Variants in KCNH4 observed in about 807,000 individuals in gnomAD.
KCNH4 encodes potassium voltage-gated channel subfamily H member 4, also known as voltage-gated delayed rectifier potassium channel KCNH4.
In KCNH4, 33 loss-of-function variants were observed where a neutral mutation model predicts 90.7. That is an observed-to-expected ratio of 0.36 (90% CI 0.28 to 0.49). The LOEUF (loss-of-function observed/expected upper bound fraction) is 0.49, where lower values mean the gene tolerates loss of function less well. Ranked by LOEUF, KCNH4 falls within the 20% of genes least tolerant of loss-of-function variation. KCNH4 has a pLI of 0.98. For synonymous variants in KCNH4, 551 were observed against 581.7 expected, an observed-to-expected ratio of 0.95 and a Z score of 0.76; for missense variants, 1,044 against 1,387.1, an observed-to-expected ratio of 0.75 and a Z score of 3.93.
Position 42,175,766 on chromosome 17 carries a change from G to A in KCNH4, c.830-30C>T, listed in dbSNP as rs1377465200. 3.1e-6 allele frequency: 5 copies of A among 1,612,920 alleles called. No individual in the cohort carries two copies. The East Asian group carries it at 1.1e-4, about 36-fold the overall frequency. ...GGGTGCAAGAGGCTATTACTGGGGG[G>A]CCTTGGCAAAGGGGTCAAGAAACCG... On this transcript the variant is annotated intron_variant, in intron 5 of 16. Coordinates refer to ENST00000264661, the MANE Select transcript of KCNH4 (RefSeq NM_012285.3).
intron 11 of KCNH4, 150 bp downstream of exon 11, chr17:42,165,299 T>C (rs1202097026): frequency 1.0e-6 from 1 of 978,376 alleles, no homozygotes; most frequent in Non-Finnish European, 1.6e-6. Flanking sequence ...TTGGAAGGTA[T>C]GAAGCAGGTA....
At chr17:42,162,420 G>C in intron 14 of KCNH4, 99 bp from the exon 15 acceptor site, 1 of 1,009,708 alleles carries the variant, frequency 9.9e-7, no homozygotes, top group Non-Finnish European at 1.5e-6. Flanking sequence ...CGGAGAGCAG[G>C]GGGAGACAAA....
At chr17:42,165,840 A>G (rs2079783458) in intron 10 of KCNH4, 147 bp from the exon 11 acceptor site, 5 of 964,944 alleles carry the variant, frequency 5.2e-6, no homozygotes, top group East Asian at 5.2e-5. Context: ...GAAATAACCA[A>G]TGGAATTGGG....
In KCNH4 at chr17:42,162,317, G is replaced by T; in HGVS notation, c.2589C>A (p.Thr863=). 1 of 1,613,758 alleles carries T rather than the reference G, an allele frequency of 6.2e-7. No homozygotes were observed. The highest frequency in any genetic ancestry group is 8.5e-7 in the Non-Finnish European group (1 of 1,179,800). Reference sequence around the variant, plus strand: ...CACTGGCCAATTCTGGGCTGGGCCTGGTCCCTGCAGGGTGAAGGGATGCAG... The same window carrying T: ...CACTGGCCAATTCTGGGCTGGGCCTTGTCCCTGCAGGGTGAAGGGATGCAG... The part of the protein sequence containing the change: ...RPRSQAPPTG[T]RPSPELASEA... The change falls in exon 15 of 17, where the codon ACC becomes ACA. Residue 863 remains threonine, a synonymous_variant. Transcript: ENST00000264661.
At chr17:42,173,813 G>T (rs536208307) in intron 6 of KCNH4, among the ~76,000 whole-genome samples, 1 of 138,264 alleles carries the variant, frequency 7.2e-6, no homozygotes, top group South Asian at 2.4e-4. Context: ...CCATTCTCCT[G>T]CCTCAGCCTC....
At position 42,163,849 on chromosome 17, in the gene KCNH4, A is replaced by G. The variant is rs2079766984; in HGVS notation, c.2234T>C (p.Leu745Pro). The change falls in exon 13 of 17, where the codon CTG becomes CCG. Residue 745 changes from leucine (L) to proline (P), a missense_variant. Physicochemically the swap from Leu to Pro is moderately conservative, Grantham distance 98. This residue lies in a region of KCNH4 where 441 missense variants were observed against 512.3 expected (regional missense o/e 0.86). Coordinates refer to ENST00000264661, the MANE Select transcript of KCNH4 (RefSeq NM_012285.3). This position sits in a 1 kb window ranked among gnomAD's most constrained non-coding sequence, Gnocchi z 5.4. ...CCGTGCTGGGCTGAGGTTGGGCAGC[A>G]GGAGGGGCCGTCGGGGCCTGGGACC... ...GGGPRPRRPL[L>P]LPNLSPARPR... is the part of the protein sequence containing the mutation. The G allele has an allele frequency of 6.6e-7, 1 of 1,510,770 alleles. No homozygotes were observed. The highest frequency in any genetic ancestry group is 2.4e-5 in the East Asian group (1 of 41,178). 93.6% of individuals were successfully genotyped at this position (1,510,770 alleles called of 1,614,324 possible). A position where few individuals can be genotyped will look rare whatever the true frequency, so the allele number is the denominator to read the frequency against.
chr17:42,158,077 C>T (rs1354828181), intron 16 of KCNH4, among the ~76,000 whole-genome samples: 1 of 151,820 alleles, frequency 6.6e-6, no homozygotes, highest in Non-Finnish European at 1.5e-5. Context: ...TACAGGCATG[C>T]ACCACCATCC....
At chr17:42,169,371 A>G (rs1465378941) in intron 9 of KCNH4, 106 bp downstream of exon 9, 25 of 1,073,564 alleles carry the variant, frequency 2.3e-5, no homozygotes, top group Non-Finnish European at 3.4e-5. Flanking sequence ...TGAGCAGCCG[A>G]GTTCGGCCTG....
intron 14 of KCNH4, 130 bp from the exon 15 acceptor site, chr17:42,162,451 G>A: frequency 1.4e-6 from 1 of 695,460 alleles, no homozygotes; most frequent in East Asian, 3.0e-5. Context: ...CTGTAAGATG[G>A]GAAACCTAAA....
chr17:42,175,653 G>A lies in KCNH4; in HGVS notation c.913C>T (p.Leu305=). ...AGGTCGATGAAGAACCAGGTGGCCA[G>A]GTAGTGGAGGCCAATGGAACGAGGA... ...SAPRSIGLHY[L]ATWFFIDLIA... is the part of the protein sequence containing the mutation. Residue 305 remains leucine, a synonymous_variant, in exon 6 of 17, where the codon CTG becomes TTG. Coordinates refer to ENST00000264661, the MANE Select transcript of KCNH4 (RefSeq NM_012285.3). 6.2e-7 allele frequency: 1 copy of A among 1,614,202 alleles called. No individual in the cohort carries two copies. Among genetic ancestry groups the A allele is most frequent in the Non-Finnish European group, 8.5e-7 (1 of 1,180,012 alleles).
At chr17:42,169,428 G>A in intron 9 of KCNH4, 49 bp downstream of exon 9, 1 of 1,567,178 alleles carries the variant, frequency 6.4e-7, no homozygotes, top group Non-Finnish European at 8.8e-7. Context: ...CCACCCCACT[G>A]CAGGGCCACG....
chr17:42,161,730 G>A (rs1039946723), intron 15 of KCNH4, among the ~76,000 whole-genome samples: 1 of 152,210 alleles, frequency 6.6e-6, no homozygotes, highest in Non-Finnish European at 1.5e-5. Flanking sequence ...CGGGGAGGAA[G>A]GAAACCAACT....
At position 42,166,076 on chromosome 17, in the gene KCNH4, G is replaced by A. The variant is rs114956196; in HGVS notation, c.1840+221C>T. Among the ~76,000 whole-genome samples, 565 of 152,230 alleles carry A rather than the reference G, an allele frequency of 3.7e-3. 3 individuals carry two copies. Among genetic ancestry groups the A allele is most frequent in the African/African-American group, 0.013 (530 of 41,522 alleles). On this transcript the variant is annotated intron_variant, in intron 10 of 16. Coordinates refer to ENST00000264661, the MANE Select transcript of KCNH4 (RefSeq NM_012285.3). ...TCAATTGAGCTGGGGGACAGTCACC[G>A]GGAAGGGTTGATGGGTTGAGGGATG...
chr17:42,175,366 C>A (rs1265548243), intron 6 of KCNH4, among the ~76,000 whole-genome samples: 1 of 152,260 alleles, frequency 6.6e-6, no homozygotes, highest in Admixed American at 6.5e-5. Flanking sequence ...CTCAGCTTCC[C>A]TCAAAGATTG....
Position 42,180,771 on chromosome 17 carries a change from C to G in KCNH4, c.76+99G>C. 1 of 1,227,888 alleles carries G rather than the reference C, an allele frequency of 8.1e-7. No homozygotes were observed. Among genetic ancestry groups the G allele is most frequent in the Non-Finnish European group, 1.2e-6 (1 of 841,454 alleles). 76.1% of individuals were successfully genotyped at this position (1,227,888 alleles called of 1,614,324 possible). ...CTAGACCCGCACCTCCATTCTCTCC[C>G]CTCGCCTCGGGTCTCACCATGTCCA... On this transcript the variant is annotated intron_variant, in intron 1 of 16. Transcript: ENST00000264661. The surrounding 1 kb of genome is among the most constrained non-coding windows in gnomAD (Gnocchi z 4.7).
Position 42,180,074 on chromosome 17 carries a change from C to G in KCNH4, c.76+796G>C, listed in dbSNP as rs866212647. On this transcript the variant is annotated intron_variant, in intron 1 of 16. Coordinates refer to ENST00000264661, the MANE Select transcript of KCNH4 (RefSeq NM_012285.3). The surrounding 1 kb of genome is among the most constrained non-coding windows in gnomAD (Gnocchi z 4.7). ...TCTTCCATCCCAGGGCCTGTTGCCC[C>G]GGTGATGGGCGCTATGGAAACAAGG... 1.3e-5 allele frequency among the ~76,000 whole-genome samples: 2 copies of G among 152,200 alleles called. No homozygotes were observed. Among genetic ancestry groups the G allele is most frequent in the Non-Finnish European group, 2.9e-5 (2 of 68,028 alleles).
chr17:42,176,829 CCCT>C (rs2079865540), intron 4 of KCNH4, among the ~76,000 whole-genome samples: 1 of 151,780 alleles, frequency 6.6e-6, no homozygotes, highest in Non-Finnish European at 1.5e-5. Context: ...GGCCCCAGGC[CCCT>C]GTTTGAACCA....
intron 11 of KCNH4, 42 bp downstream of exon 11, chr17:42,165,403 GAGGA>G: frequency 6.2e-7 from 1 of 1,605,512 alleles, no homozygotes; most frequent in South Asian, 1.1e-5. Context: ...GTCTGCTTTG[GAGGA>G]AGGGACTCTG....
intron 9 of KCNH4, among the ~76,000 whole-genome samples, chr17:42,167,923 C>G (rs2079798964): frequency 1.3e-5 from 2 of 152,196 alleles, no homozygotes; most frequent in Admixed American, 6.5e-5. Context: ...CATGTCGTGC[C>G]TTCCTGCCCT....
Sources: gnomAD v4.1 joint callset for allele counts (sites outside exome capture counted in the v4.1 genomes callset) on GRCh38, gnomAD v4.1.1 for gene constraint, gnomAD v4.1.1 regional missense constraint, Gnocchi (gnomAD v3.1) non-coding constraint, MANE v1.5 for transcripts, NCBI Gene and HGNC (gene_info 2026-07-23, HGNC 2026-07-21) for gene names.